Variants in PARD6G observed in about 807,000 individuals in gnomAD.
PARD6G encodes the protein partitioning defective 6 homolog gamma.
PARD6G carries 7 observed loss-of-function variants against 10.7 expected under a neutral mutation model. That is an observed-to-expected ratio of 0.66 (90% confidence interval 0.37 to 1.23). The LOEUF (loss-of-function observed/expected upper bound fraction) is 1.23, where lower values mean the gene tolerates loss of function less well. Ranked by LOEUF, PARD6G falls within the 50% of genes most tolerant of loss-of-function variation. The pLI is 0.02. For synonymous variants in PARD6G, 287 were observed against 269.4 expected (o/e 1.07, Z -0.64); for missense variants, 548 against 571.8 (o/e 0.96, Z 0.42).
At chr18:80,186,971 C>T (rs1371580014) in intron 2 of PARD6G, among the ~76,000 whole-genome samples, 2 of 152,078 alleles carry the variant, frequency 1.3e-5, no homozygotes, top group African/African-American at 4.8e-5. Flanking sequence ...TGGTGGCGGG[C>T]ACCTGTAGTC....
chr18:80,229,167 T>G (rs918128038), intron 1 of PARD6G, among the ~76,000 whole-genome samples: 9 of 152,204 alleles, frequency 5.9e-5, no homozygotes, highest in African/African-American at 9.7e-5. Flanking sequence ...CTTGCACTCC[T>G]GACCTTGTGA....
At chr18:80,240,290 A>C (rs1166548211) in intron 1 of PARD6G, among the ~76,000 whole-genome samples, 1 of 152,252 alleles carries the variant, frequency 6.6e-6, no homozygotes, top group Non-Finnish European at 1.5e-5. Context: ...AATAGTTCCC[A>C]AAAGTCCTAA....
Position 80,159,713 on chromosome 18 carries a change from G to T in PARD6G, c.*58C>A. 7.5e-7 allele frequency: 1 copy of T among 1,342,086 alleles called. No individual in the cohort carries two copies. 83.1% of individuals were successfully genotyped at this position (1,342,086 alleles called of 1,614,324 possible). The stretch of plus-strand genomic sequence containing the variant: ...AAAAATGAGCGGATGCAGTCTGCAG[G>T]TCCTGTCCCTGTCCTTACCGGGGAA... On this transcript the variant is annotated 3_prime_UTR_variant, in exon 3 of 3. Coordinates refer to ENST00000353265, the MANE Select transcript of PARD6G (RefSeq NM_032510.4).
chr18:80,215,693 G>A (rs374563145), intron 1 of PARD6G, among the ~76,000 whole-genome samples: 7 of 151,998 alleles, frequency 4.6e-5, no homozygotes, highest in East Asian at 3.8e-4. Context: ...TAACAGAAAA[G>A]AAAGCAATAA....
intron 1 of PARD6G, among the ~76,000 whole-genome samples, chr18:80,220,647 G>A (rs868847174): frequency 6.6e-6 from 1 of 151,672 alleles, no homozygotes; most frequent in South Asian, 2.1e-4. Flanking sequence ...ATCTCTCTGT[G>A]TCACCCAGGC....
At chr18:80,222,393 G>T (rs1343689442) in intron 1 of PARD6G, among the ~76,000 whole-genome samples, 1 of 152,072 alleles carries the variant, frequency 6.6e-6, no homozygotes, top group Non-Finnish European at 1.5e-5. Flanking sequence ...CCAGCCGGAA[G>T]ACTTAATATT....
At chr18:80,185,215 T>G (rs868513433) in intron 2 of PARD6G, among the ~76,000 whole-genome samples, 2 of 152,188 alleles carry the variant, frequency 1.3e-5, no homozygotes, top group South Asian at 2.1e-4. Context: ...GATAGCAGAA[T>G]CTGGTGTGAT....
intron 1 of PARD6G, among the ~76,000 whole-genome samples, chr18:80,238,684 G>A (rs1229868511): frequency 6.6e-6 from 1 of 152,076 alleles, no homozygotes; most frequent in Admixed American, 6.5e-5. Context: ...CTTAAGATGA[G>A]TGTATTTCAC....
At chr18:80,232,598 C>T (rs1256926148) in intron 1 of PARD6G, among the ~76,000 whole-genome samples, 1 of 152,116 alleles carries the variant, frequency 6.6e-6, no homozygotes, top group Non-Finnish European at 1.5e-5. Context: ...GTGGGGGAAA[C>T]TGCCCCCATG....
At chr18:80,213,697 G>T (rs1161638042) in intron 1 of PARD6G, among the ~76,000 whole-genome samples, 1 of 152,138 alleles carries the variant, frequency 6.6e-6, no homozygotes, top group Non-Finnish European at 1.5e-5. Flanking sequence ...AGTGGCTCAC[G>T]CCTGTAATCC....
chr18:80,178,079 C>T (rs1294847090), intron 2 of PARD6G: 2 of 167,068 alleles, frequency 1.2e-5, no homozygotes, highest in Non-Finnish European at 2.9e-5. Flanking sequence ...GTGCTTGATT[C>T]TTGCAGATAC....
chr18:80,214,787 A>G (rs1033067902), intron 1 of PARD6G, among the ~76,000 whole-genome samples: 6 of 152,314 alleles, frequency 3.9e-5, no homozygotes, highest in Non-Finnish European at 8.8e-5. Flanking sequence ...CAGAAAGGCT[A>G]TTTGGAAAAA....
In PARD6G at chr18:80,160,602, C is replaced by A; in HGVS notation, c.300G>T (p.Glu100Asp). 3 of 1,444,656 alleles carry A rather than the reference C, an allele frequency of 2.1e-6. No homozygotes were observed. Among genetic ancestry groups the A allele is most frequent in the Non-Finnish European group, 2.7e-6 (3 of 1,103,734 alleles). The allele number at this position is 1,444,656 out of a possible 1,614,324, so 89.5% of individuals were successfully genotyped here. A position where few individuals can be genotyped will look rare whatever the true frequency, so the allele number is the denominator to read the frequency against. Residue 100 changes from glutamate to aspartate, a missense_variant, in exon 3 of 3, where the codon GAG becomes GAT. This residue lies in a region of PARD6G where 235 missense variants were observed against 291.9 expected (regional missense o/e 0.81). Transcript: ENST00000353265. ...CCGCGCCGAGGCTGCCACGCTCGGC[C>A]TCCTCTGCGGGAGAGGGGACAGTTA... ...LLRVFIQKRE[E>D]AERGSLGAGS...
rs1278434542 is a variant in PARD6G, at chr18:80,211,091, G to A, written c.73-8159C>T. ...GCATTTTTTTCTTTTTTTTTGAAAA[G>A]CCATCTGTATTTTTAGGTTTGCTTT... On this transcript the variant is annotated intron_variant, in intron 1 of 2. Coordinates refer to ENST00000353265, the MANE Select transcript of PARD6G (RefSeq NM_032510.4). 5.3e-5 allele frequency among the ~76,000 whole-genome samples: 8 copies of A among 151,942 alleles called. No individual in the cohort carries two copies. The East Asian group carries it at 1.5e-3, about 29-fold the overall frequency.
intron 2 of PARD6G, among the ~76,000 whole-genome samples, chr18:80,191,313 G>A (rs113635759): frequency 1.4e-3 from 207 of 152,284 alleles, no homozygotes; most frequent in African/African-American, 3.9e-3. Context: ...CCACAGCCCA[G>A]GCCTGGCAGA....
At chr18:80,216,019 A>G (rs1358621901) in intron 1 of PARD6G, among the ~76,000 whole-genome samples, 4 of 152,128 alleles carry the variant, frequency 2.6e-5, no homozygotes, top group African/African-American at 7.2e-5. Context: ...TGCAAGAGAA[A>G]AAGATATTTT....
chr18:80,195,105 G>A (rs915902122), intron 2 of PARD6G, among the ~76,000 whole-genome samples: 3 of 152,112 alleles, frequency 2.0e-5, no homozygotes, highest in South Asian at 4.2e-4. Flanking sequence ...CCCAACCTGT[G>A]CCTCCACGCT....
In PARD6G at chr18:80,220,458, T is replaced by C. The variant is rs181619816; in HGVS notation, c.73-17526A>G. Among the ~76,000 whole-genome samples the C allele has an allele frequency of 1.6e-3, 236 of 152,244 alleles. 1 individual carries two copies. Among genetic ancestry groups the C allele is most frequent in the Non-Finnish European group, 2.7e-3 (187 of 68,030 alleles). On this transcript the variant is annotated intron_variant, in intron 1 of 2. Transcript: ENST00000353265. ...AGTTAAAAGGGACATTAGGTAAAAC[T>C]AAGGAAATCTGAATAAAGTATGAAC...
rs1332518020 is a variant in PARD6G at position 80,158,415 on chromosome 18, C to G, written c.*1356G>C. The G allele has an allele frequency of 6.6e-6, 1 of 152,256 alleles. No individual in the cohort carries two copies. The highest frequency in any genetic ancestry group is 1.5e-5 in the Non-Finnish European group (1 of 68,052). 9.4% of individuals were successfully genotyped at this position (152,256 alleles called of 1,614,324 possible). On this transcript the variant is annotated 3_prime_UTR_variant, in exon 3 of 3. Transcript: ENST00000353265. Reference sequence around the variant, plus strand: ...CGAAATCGCCCTCAGAGTCAGTCAACCCACAGGAAAAGGGTCATCTTAGAG... The same window carrying G: ...CGAAATCGCCCTCAGAGTCAGTCAAGCCACAGGAAAAGGGTCATCTTAGAG...
Sources: allele counts gnomAD v4.1 joint callset (sites outside exome capture counted in the v4.1 genomes callset), GRCh38; gene constraint gnomAD v4.1.1; regional missense constraint gnomAD v4.1.1; transcripts MANE v1.5; gene names NCBI Gene and HGNC (gene_info 2026-07-23, HGNC 2026-07-21).